Variants in NAPB observed in about 807,000 individuals in gnomAD.
The protein encoded by NAPB is beta-soluble NSF attachment protein.
NAPB carries 26 observed loss-of-function variants against 44.7 expected under a neutral mutation model. The observed-to-expected ratio is 0.58, with a 90% CI of 0.43 to 0.81. The LOEUF (loss-of-function observed/expected upper bound fraction) is 0.81. Among genes scored for constraint, NAPB ranks in the 30% least tolerant of loss-of-function variants. The probability of loss-of-function intolerance (pLI) is 0.00; values close to 1 mark genes in which losing one functional copy is unlikely to be tolerated. For synonymous variants in NAPB, 120 were observed against 116.8 expected, an observed-to-expected ratio of 1.03 and a Z score of -0.18; for missense variants, 315 against 356.4, an observed-to-expected ratio of 0.88 and a Z score of 0.94.
chr20:23,404,106 C>T (rs1484575084), intron 1 of NAPB, among the ~76,000 whole-genome samples: 1 of 152,186 alleles, frequency 6.6e-6, no homozygotes, highest in Non-Finnish European at 1.5e-5. Flanking sequence ...GAAATTTCTT[C>T]TCACATAAAA....
chr20:23,394,827 T>C, intron 5 of NAPB, 95 bp downstream of exon 5: 1 of 1,294,020 alleles, frequency 7.7e-7, no homozygotes. Context: ...ATGACCACTC[T>C]ACACCTACGA....
In NAPB at chr20:23,376,877, TCAAAATAATCACAGGATA is replaced by T. The variant is rs1400274479; in HGVS notation, c.*481_*498del. ...GCAAAGAAACTAGTCACTAGCACCATCAAAATAATCACAGGATAACAAAAATAGAAATGATTTCTAATG... is the reference window on the plus strand; with the variant it reads ...GCAAAGAAACTAGTCACTAGCACCATACAAAAATAGAAATGATTTCTAATG... On this transcript the variant is annotated 3_prime_UTR_variant, in exon 11 of 11. Transcript: ENST00000377026. 1 of 152,166 alleles carries T rather than the reference TCAAAATAATCACAGGATA, an allele frequency of 6.6e-6. No homozygotes were observed. The highest frequency in any genetic ancestry group is 1.5e-5 in the Non-Finnish European group (1 of 68,046). The allele number at this position is 152,166 out of a possible 1,614,324, so 9.4% of individuals were successfully genotyped here.
intron 1 of NAPB, among the ~76,000 whole-genome samples, chr20:23,409,537 G>A (rs576240388): frequency 1.3e-5 from 2 of 152,256 alleles, no homozygotes; most frequent in African/African-American, 4.8e-5. Flanking sequence ...AAAGATAATG[G>A]TAACTGCTAG....
At chr20:23,392,150 A>T (rs1026217142) in intron 5 of NAPB, among the ~76,000 whole-genome samples, 4 of 152,240 alleles carry the variant, frequency 2.6e-5, no homozygotes, top group Non-Finnish European at 5.9e-5. Context: ...TGAGCGGAAC[A>T]GTCATGGGCC....
chr20:23,412,180 T>C (rs1985702210), intron 1 of NAPB, among the ~76,000 whole-genome samples: 1 of 152,340 alleles, frequency 6.6e-6, no homozygotes, highest in South Asian at 2.1e-4. Flanking sequence ...CTCTGGAATG[T>C]AGCACTTATC....
intron 1 of NAPB, among the ~76,000 whole-genome samples, chr20:23,410,839 T>C (rs1412949412): frequency 6.6e-6 from 1 of 152,120 alleles, no homozygotes; most frequent in Non-Finnish European, 1.5e-5. Context: ...ATTAAACAGA[T>C]ATGAAAGTAC....
chr20:23,395,998 G>T (rs778209784), intron 3 of NAPB, among the ~76,000 whole-genome samples: 13 of 152,146 alleles, frequency 8.5e-5, no homozygotes, highest in Admixed American at 2.0e-4. Flanking sequence ...GTGGATCCCT[G>T]TTACACCTTT....
intron 7 of NAPB, among the ~76,000 whole-genome samples, chr20:23,388,678 T>C (rs1027659294): frequency 4.6e-5 from 7 of 152,088 alleles, no homozygotes; most frequent in Admixed American, 3.3e-4. Context: ...TATTCAACAA[T>C]TAGTGCTAGA....
chr20:23,392,334 T>C (rs117459153), intron 5 of NAPB, among the ~76,000 whole-genome samples: 1,730 of 152,278 alleles, frequency 0.011, 18 homozygotes, highest in Non-Finnish European at 0.015. Flanking sequence ...AAGAGAACCA[T>C]AGTACACCTG....
chr20:23,400,448 G>A (rs141213563), intron 2 of NAPB, among the ~76,000 whole-genome samples: 1,903 of 152,208 alleles, frequency 0.013, 40 homozygotes, highest in African/African-American at 0.042. Context: ...CTCGGGAGGC[G>A]GAGGTTGCAG....
chr20:23,388,452 A>C (rs1222886957), intron 7 of NAPB, among the ~76,000 whole-genome samples: 1 of 152,212 alleles, frequency 6.6e-6, no homozygotes, highest in Non-Finnish European at 1.5e-5. Context: ...TGGAATAGCC[A>C]AAACAATTCT....
At chr20:23,401,752 G>A (rs117800300) in intron 2 of NAPB, among the ~76,000 whole-genome samples, 11,557 of 152,164 alleles carry the variant, frequency 0.076, 670 homozygotes, top group East Asian at 0.3. Flanking sequence ...GTGGTGGCGC[G>A]TGCCTGTAGT....
Position 23,403,822 on chromosome 20 carries a change from G to A in NAPB, c.99-750C>T, listed in dbSNP as rs549805946. On this transcript the variant is annotated intron_variant, in intron 1 of 10. Coordinates refer to ENST00000377026, the MANE Select transcript of NAPB (RefSeq NM_022080.3). The stretch of plus-strand genomic sequence containing the variant: ...TACCCTGTTATCTCCCAAGAGTTCA[G>A]CACTATGTTTATTCAGAAGCCACGT... Among the ~76,000 whole-genome samples the A allele has an allele frequency of 1.2e-4, 19 of 152,240 alleles. No individual in the cohort carries two copies. The South Asian group carries it at 2.3e-3, about 18-fold the overall frequency.
rs757376219 is a variant in NAPB, at chr20:23,375,359, A to T, written c.*2017T>A. On this transcript the variant is annotated 3_prime_UTR_variant, in exon 11 of 11. Transcript: ENST00000377026. Reference sequence around the variant, plus strand: ...AGCTAAACATAATTGCCCGAAAATAAATCATGTAGTTTTTACTTTAAGTGG... The same window carrying T: ...AGCTAAACATAATTGCCCGAAAATATATCATGTAGTTTTTACTTTAAGTGG... 6.6e-6 allele frequency: 1 copy of T among 152,194 alleles called. No homozygotes were observed. Among genetic ancestry groups the T allele is most frequent in the Non-Finnish European group, 1.5e-5 (1 of 68,038 alleles). 9.4% of individuals were successfully genotyped at this position (152,194 alleles called of 1,614,324 possible). A position where few individuals can be genotyped will look rare whatever the true frequency, so the allele number is the denominator to read the frequency against.
intron 1 of NAPB, among the ~76,000 whole-genome samples, chr20:23,406,530 A>C (rs916204216): frequency 2.0e-5 from 3 of 152,244 alleles, no homozygotes; most frequent in Middle Eastern, 3.2e-3. Flanking sequence ...TATGTTACAC[A>C]GTGAAAGATA....
rs956224641 is a variant in NAPB, at chr20:23,377,297, T to C, written c.*79A>G. The C allele has an allele frequency of 1.3e-5, 11 of 841,556 alleles. No individual in the cohort carries two copies. In the African/African-American group the frequency reaches 1.5e-4, roughly 12 times the overall value. The allele number at this position is 841,556 out of a possible 1,614,324, so 52.1% of individuals were successfully genotyped here. A position where few individuals can be genotyped will look rare whatever the true frequency, so the allele number is the denominator to read the frequency against. On this transcript the variant is annotated 3_prime_UTR_variant, in exon 11 of 11. Transcript: ENST00000377026. ...TATGCAACAAAATTAAGCCATTAAA[T>C]AGGCATCCCATAAAGATCACTTGAC...
chr20:23,404,666 G>C (rs1345478655), intron 1 of NAPB, among the ~76,000 whole-genome samples: 2 of 152,180 alleles, frequency 1.3e-5, no homozygotes, highest in African/African-American at 2.4e-5. Flanking sequence ...ACCCAGAGCA[G>C]GTACTCAATC....
intron 1 of NAPB, among the ~76,000 whole-genome samples, chr20:23,411,076 G>T (rs1985620680): frequency 6.6e-6 from 1 of 152,142 alleles, no homozygotes; most frequent in Admixed American, 6.5e-5. Context: ...CTAAGTAAAA[G>T]TAATACAGGA....
chr20:23,410,988 T>A lies in NAPB; in HGVS notation c.99-7916A>T, dbSNP rs886792745. Among the ~76,000 whole-genome samples the A allele has an allele frequency of 2.0e-5, 3 of 152,036 alleles. No homozygotes were observed. In the East Asian group the frequency reaches 5.8e-4, roughly 29 times the overall value. On this transcript the variant is annotated intron_variant, in intron 1 of 10. Transcript: ENST00000377026. ...AATAAAATCTCTGTTATAGCATACC[T>A]AAGGGGAAAGCAGATTCTACTGACA...
Sources: allele counts gnomAD v4.1 joint callset (sites outside exome capture counted in the v4.1 genomes callset), GRCh38; gene constraint gnomAD v4.1.1; transcripts MANE v1.5; gene names NCBI Gene and HGNC (gene_info 2026-07-23, HGNC 2026-07-21).